Variants in GRIK4 observed in about 807,000 individuals in gnomAD.
The protein encoded by GRIK4 is glutamate receptor ionotropic, kainate 4.
A neutral mutation model predicts 104.9 loss-of-function variants in GRIK4; 40 were observed. The ratio of observed to expected loss-of-function variants is 0.38; its 90% CI spans 0.30 to 0.50. GRIK4 has a LOEUF of 0.50. GRIK4 is among the 20% of genes least tolerant of loss of function. GRIK4 has a pLI of 0.93. For synonymous variants in GRIK4, 485 were observed against 524.9 expected (o/e 0.92, Z 1.04); for missense variants, 1,047 against 1,308.1 (o/e 0.80, Z 3.08).
chr11:120,544,770 G>A (rs1009152217), intron 1 of GRIK4, among the ~76,000 whole-genome samples: 6 of 152,156 alleles, frequency 3.9e-5, no homozygotes, highest in African/African-American at 1.4e-4. Context: ...TGGTCCTAAT[G>A]TACATGTGAG....
chr11:120,913,856 TAA>T (rs36119057), intron 13 of GRIK4, among the ~76,000 whole-genome samples: 37 of 132,692 alleles, frequency 2.8e-4, no homozygotes, highest in African/African-American at 4.1e-4. Flanking sequence ...TTTGCTGAAC[TAA>T]AAAAAAAAAA....
chr11:120,955,010 C>G (rs181076145), intron 15 of GRIK4, among the ~76,000 whole-genome samples: 8 of 152,142 alleles, frequency 5.3e-5, no homozygotes, highest in Admixed American at 5.2e-4. Context: ...ACTTTTATTT[C>G]TTATATATTG....
At chr11:120,593,970 C>T (rs185538649) in intron 1 of GRIK4, among the ~76,000 whole-genome samples, 1 of 152,314 alleles carries the variant, frequency 6.6e-6, no homozygotes, top group East Asian at 1.9e-4. Context: ...TTCTCTCTCT[C>T]CACTTGCCCT....
intron 11 of GRIK4, among the ~76,000 whole-genome samples, chr11:120,886,273 C>T (rs1565416914): frequency 6.6e-6 from 1 of 152,184 alleles, no homozygotes; most frequent in Non-Finnish European, 1.5e-5. Flanking sequence ...AAGTGTCCTT[C>T]TCACAGTCCA....
intron 1 of GRIK4, among the ~76,000 whole-genome samples, 178 bp downstream of exon 1, chr11:120,512,065 C>T (rs1947666465): frequency 6.7e-6 from 1 of 148,688 alleles, no homozygotes. Context: ...CGCCCTCCTC[C>T]CCGCTCCCGC....
intron 17 of GRIK4, 71 bp from the exon 18 acceptor site, chr11:120,962,385 A>T: frequency 2.0e-6 from 2 of 999,492 alleles, no homozygotes; most frequent in Non-Finnish European, 3.0e-6. Flanking sequence ...GTGCACTTTG[A>T]TTCCCTCTCT....
chr11:120,860,539 C>G (rs961775109), intron 8 of GRIK4, among the ~76,000 whole-genome samples: 1 of 152,172 alleles, frequency 6.6e-6, no homozygotes, highest in Non-Finnish European at 1.5e-5. Flanking sequence ...CTGACTGCGT[C>G]ATCTAAAGTA....
chr11:120,853,844 G>A (rs1005099800), intron 8 of GRIK4, among the ~76,000 whole-genome samples: 1 of 152,232 alleles, frequency 6.6e-6, no homozygotes, highest in African/African-American at 2.4e-5. Flanking sequence ...CAATCACAGT[G>A]ATGGAGTATG....
At chr11:120,900,199 G>A (rs1023417620) in intron 12 of GRIK4, among the ~76,000 whole-genome samples, 5 of 152,172 alleles carry the variant, frequency 3.3e-5, no homozygotes, top group Admixed American at 3.3e-4. Context: ...CAATGAAGGA[G>A]GGCATTGTCG....
In GRIK4 at chr11:120,831,930, C is replaced by T; in HGVS notation, c.590C>T (p.Thr197Ile). 6.2e-7 allele frequency: 1 copy of T among 1,613,904 alleles called. No individual in the cohort carries two copies. Among genetic ancestry groups the T allele is most frequent in the Non-Finnish European group, 8.5e-7 (1 of 1,179,848 alleles). The change falls in exon 7 of 21, where the codon ACC (threonine) becomes ATC (isoleucine). Residue 197 changes from threonine (T) to isoleucine (I), a missense_variant. Physicochemically the swap from Thr to Ile is moderately conservative, Grantham distance 89 (BLOSUM62 -1). This residue lies in a region of GRIK4 where 447 missense variants were observed against 514.9 expected (regional missense o/e 0.87). Transcript: ENST00000527524. ...CTGTCCGTCCGCATGCTGGATGACA[C>T]CCGGGACCCCACCCCGCTCCTCAAG... ...DTLSVRMLDD[T>I]RDPTPLLKEI...
chr11:120,563,175 G>A (rs1015540192), intron 1 of GRIK4, among the ~76,000 whole-genome samples: 6 of 152,158 alleles, frequency 3.9e-5, no homozygotes, highest in African/African-American at 1.2e-4. Context: ...AGACATACTC[G>A]CAGTGTCTAG....
chr11:120,563,891 GCA>G (rs1948273347), intron 1 of GRIK4, among the ~76,000 whole-genome samples: 2 of 152,190 alleles, frequency 1.3e-5, no homozygotes, highest in Admixed American at 1.3e-4. Flanking sequence ...CCCGCTCTGA[GCA>G]CAGTCACCGT....
intron 2 of GRIK4, among the ~76,000 whole-genome samples, chr11:120,656,652 G>A (rs554286406): frequency 6.6e-6 from 1 of 152,266 alleles, no homozygotes; most frequent in African/African-American, 2.4e-5. Context: ...CCTGAGGTCA[G>A]GAGTTCGAGA....
chr11:120,536,362 T>TG (rs1947974702), intron 1 of GRIK4, among the ~76,000 whole-genome samples: 1 of 152,138 alleles, frequency 6.6e-6, no homozygotes, highest in Non-Finnish European at 1.5e-5. Flanking sequence ...GTGTCTTAGC[T>TG]GGGGGGTGTC....
At chr11:120,845,133 T>A (rs1953819223) in intron 8 of GRIK4, among the ~76,000 whole-genome samples, 1 of 152,172 alleles carries the variant, frequency 6.6e-6, no homozygotes, top group Non-Finnish European at 1.5e-5. Flanking sequence ...CTGTCCTCTG[T>A]CCCAATGGCT....
Position 120,524,750 on chromosome 11 carries a change from C to A in GRIK4, c.-159+12863C>A, listed in dbSNP as rs562019485. On this transcript the variant is annotated intron_variant, in intron 1 of 20. Transcript: ENST00000527524. This position sits in a 1 kb window ranked among gnomAD's most constrained non-coding sequence, Gnocchi z 4.5. Reference sequence around the variant, plus strand: ...GACCTGGGGTGCTCCTTCAGACATACCCAGTGTGAGCTAGGGGCTGCCTGC... The same window carrying A: ...GACCTGGGGTGCTCCTTCAGACATAACCAGTGTGAGCTAGGGGCTGCCTGC... Among the ~76,000 whole-genome samples, 4 of 152,320 alleles carry A rather than the reference C, an allele frequency of 2.6e-5. No individual in the cohort carries two copies. Among genetic ancestry groups the A allele is most frequent in the African/African-American group, 9.6e-5 (4 of 41,578 alleles).
chr11:120,712,746 G>A (rs1332016955), intron 3 of GRIK4, among the ~76,000 whole-genome samples: 4 of 152,154 alleles, frequency 2.6e-5, no homozygotes, highest in South Asian at 2.1e-4. Context: ...TGCTGGCCCC[G>A]GTTGGCCCTC....
At chr11:120,815,321 G>A (rs1194534448) in intron 4 of GRIK4, 57 bp from the exon 5 acceptor site, 24 of 1,035,710 alleles carry the variant, frequency 2.3e-5, no homozygotes, top group Middle Eastern at 2.9e-4. Flanking sequence ...GGGCCATGGC[G>A]CAAGCCCGAC....
In GRIK4 at chr11:120,527,790, G is replaced by A. The variant is rs537594344; in HGVS notation, c.-159+15903G>A. Among the ~76,000 whole-genome samples the A allele has an allele frequency of 1.3e-3, 205 of 152,306 alleles. 1 individual carries two copies. The highest frequency in any genetic ancestry group is 4.7e-3 in the African/African-American group (197 of 41,558). ...ATTGTTGTCCAAGGTTTCCAATCAG[G>A]TGGGGAAAAAGAGGGCCTGGTGGTC... On this transcript the variant is annotated intron_variant, in intron 1 of 20. Coordinates refer to ENST00000527524, the MANE Select transcript of GRIK4 (RefSeq NM_014619.5).
Sources: allele counts gnomAD v4.1 joint callset (sites outside exome capture counted in the v4.1 genomes callset), GRCh38; gene constraint gnomAD v4.1.1; regional missense constraint gnomAD v4.1.1; non-coding constraint Gnocchi (gnomAD v3.1); transcripts MANE v1.5; gene names NCBI Gene and HGNC (gene_info 2026-07-23, HGNC 2026-07-21).